Variants in GABBR2 observed in about 807,000 individuals in gnomAD.
GABBR2 encodes the protein G-protein coupled receptor 51.
GABBR2 carries 23 observed loss-of-function variants against 105.6 expected under a neutral mutation model. The observed-to-expected ratio is 0.22, with a 90% CI of 0.16 to 0.31. The LOEUF (loss-of-function observed/expected upper bound fraction) is 0.31, where lower values mean the gene tolerates loss of function less well. GABBR2 is among the 10% of genes least tolerant of loss of function. The probability of loss-of-function intolerance (pLI) is 1.00; values close to 1 mark genes in which losing one functional copy is unlikely to be tolerated. For missense variants in GABBR2, 734 were observed against 1,245.5 expected, an observed-to-expected ratio of 0.59 and a Z score of 6.18; for synonymous variants, 478 against 499.7, an observed-to-expected ratio of 0.96 and a Z score of 0.58.
intron 1 of GABBR2, among the ~76,000 whole-genome samples, chr9:98,587,184 G>A (rs1180840899): frequency 6.6e-6 from 1 of 152,174 alleles, no homozygotes. Context: ...CTTATAGCCT[G>A]TGTTTCCTCT....
chr9:98,510,892 G>A (rs1164766325), intron 3 of GABBR2, among the ~76,000 whole-genome samples: 1 of 152,110 alleles, frequency 6.6e-6, no homozygotes, highest in African/African-American at 2.4e-5. Context: ...ACTCAGCTCT[G>A]CACCAAGCAG....
chr9:98,477,324 C>T (rs1203001953), intron 5 of GABBR2, among the ~76,000 whole-genome samples: 3 of 152,338 alleles, frequency 2.0e-5, no homozygotes, highest in African/African-American at 4.8e-5. Flanking sequence ...ACTGCAGCCT[C>T]GAACTTCTGG....
intron 3 of GABBR2, among the ~76,000 whole-genome samples, chr9:98,527,108 T>A (rs28651575): frequency 0.36 from 50,489 of 140,880 alleles, 8,846 homozygotes; most frequent in Middle Eastern, 0.5. Context: ...ATATATATAT[T>A]ATATATATAT....
In GABBR2 at chr9:98,447,063, C is replaced by T. The variant is rs200843389; in HGVS notation, c.1236+6918G>A. On this transcript the variant is annotated intron_variant, in intron 7 of 18. Transcript: ENST00000259455. ...CCCAGATTCAACCTAAAAAAGACTT[C>T]TTTTTTTTTTTTTTTTGAGACGGAG... 7.5e-4 allele frequency among the ~76,000 whole-genome samples: 87 copies of T among 116,302 alleles called. 1 individual carries two copies. Among genetic ancestry groups the T allele is most frequent in the African/African-American group, 2.3e-3 (66 of 28,608 alleles). The allele number at this position is 116,302 out of a possible 152,430, so 76.3% of individuals were successfully genotyped here. A position where few individuals can be genotyped will look rare whatever the true frequency, so the allele number is the denominator to read the frequency against.
At chr9:98,677,670 C>T (rs1349097622) in intron 1 of GABBR2, among the ~76,000 whole-genome samples, 1 of 152,156 alleles carries the variant, frequency 6.6e-6, no homozygotes, top group Non-Finnish European at 1.5e-5. Flanking sequence ...GGGATCATCC[C>T]TTCTCTGTCT....
intron 1 of GABBR2, among the ~76,000 whole-genome samples, chr9:98,581,780 A>C (rs1169133540): frequency 6.6e-6 from 1 of 152,210 alleles, no homozygotes. Context: ...AATGACAACG[A>C]TACTACAGTA....
At chr9:98,640,121 C>CATATATATATATATATATATATAT (rs6151094) in intron 1 of GABBR2, among the ~76,000 whole-genome samples, 5 of 140,854 alleles carry the variant, frequency 3.5e-5, no homozygotes, top group Admixed American at 7.1e-5. Flanking sequence ...AAAATACAAC[C>CATATATATATATATATATATATAT]ATATATATAT....
At position 98,288,467 on chromosome 9, in the gene GABBR2, C is replaced by T. The variant is rs1457177568; in HGVS notation, c.*2117G>A. On this transcript the variant is annotated 3_prime_UTR_variant, in exon 19 of 19. Transcript: ENST00000259455. ...GGAGTCACAAAGGGTTACAGACGCA[C>T]AGGCTCACCTCCGACAGTCCAATAC... 1 of 152,654 alleles carries T rather than the reference C, an allele frequency of 6.6e-6. No individual in the cohort carries two copies. Among genetic ancestry groups the T allele is most frequent in the East Asian group, 1.9e-4 (1 of 5,200 alleles). The allele number at this position is 152,654 out of a possible 1,614,324, so 9.5% of individuals were successfully genotyped here.
intron 12 of GABBR2, among the ~76,000 whole-genome samples, chr9:98,367,387 A>G (rs1588124832): frequency 6.6e-6 from 1 of 151,842 alleles, no homozygotes; most frequent in Non-Finnish European, 1.5e-5. Flanking sequence ...AAGGACAAAT[A>G]TTGTATGGTT....
chr9:98,438,347 C>G (rs939164852), intron 7 of GABBR2, among the ~76,000 whole-genome samples: 2 of 152,110 alleles, frequency 1.3e-5, no homozygotes, highest in Non-Finnish European at 2.9e-5. Flanking sequence ...CACCACTCTA[C>G]CCATCTGCCC....
At chr9:98,329,869 C>T (rs1588105658) in intron 13 of GABBR2, among the ~76,000 whole-genome samples, 1 of 151,970 alleles carries the variant, frequency 6.6e-6, no homozygotes, top group African/African-American at 2.4e-5. Context: ...CTTCTTCTCT[C>T]TCTCTCTCTC....
At chr9:98,483,023 C>A (rs997660175) in intron 4 of GABBR2, among the ~76,000 whole-genome samples, 6 of 152,142 alleles carry the variant, frequency 3.9e-5, no homozygotes, top group African/African-American at 9.7e-5. Context: ...ATCTCTCCCC[C>A]CAGCCTCAGA....
intron 13 of GABBR2, among the ~76,000 whole-genome samples, chr9:98,336,521 T>G (rs1350293607): frequency 6.6e-6 from 1 of 152,096 alleles, no homozygotes; most frequent in Non-Finnish European, 1.5e-5. Context: ...CTGGCCAATA[T>G]GGTGAAACCC....
chr9:98,386,364 A>G (rs1194076583), intron 10 of GABBR2, among the ~76,000 whole-genome samples: 1 of 152,116 alleles, frequency 6.6e-6, no homozygotes, highest in Non-Finnish European at 1.5e-5. Context: ...CCTAACTGTG[A>G]GTCTCAGGGT....
chr9:98,653,298 C>A lies in GABBR2; in HGVS notation c.321+55119G>T, dbSNP rs920805857. 1.3e-5 allele frequency among the ~76,000 whole-genome samples: 2 copies of A among 152,210 alleles called. 1 individual carries two copies. Among genetic ancestry groups the A allele is most frequent in the African/African-American group, 4.8e-5 (2 of 41,452 alleles). On this transcript the variant is annotated intron_variant, in intron 1 of 18. Transcript: ENST00000259455. Reference sequence around the variant, plus strand: ...ACAGGCATGAGCCATCGCACCTAGCCCTTAGCTATTTCTAAAGCACAGCCA... The same window carrying A: ...ACAGGCATGAGCCATCGCACCTAGCACTTAGCTATTTCTAAAGCACAGCCA...
intron 7 of GABBR2, among the ~76,000 whole-genome samples, chr9:98,427,376 A>G (rs1040950183): frequency 5.3e-5 from 8 of 152,328 alleles, no homozygotes; most frequent in Non-Finnish European, 1.0e-4. Context: ...CAAGAGTCAC[A>G]GTTTCTTATA....
chr9:98,377,676 A>C (rs192312624), intron 11 of GABBR2, among the ~76,000 whole-genome samples: 1 of 152,282 alleles, frequency 6.6e-6, no homozygotes, highest in African/African-American at 2.4e-5. Context: ...GGAGTGGCCC[A>C]CATGTGGGGT....
At chr9:98,547,367 A>G (rs1420385592) in intron 2 of GABBR2, among the ~76,000 whole-genome samples, 1 of 116,592 alleles carries the variant, frequency 8.6e-6, no homozygotes, top group South Asian at 2.8e-4. Context: ...TACATTTATA[A>G]TATTGTATAT....
At chr9:98,385,141 C>T (rs1832048550) in intron 11 of GABBR2, among the ~76,000 whole-genome samples, 1 of 152,084 alleles carries the variant, frequency 6.6e-6, no homozygotes, top group Non-Finnish European at 1.5e-5. Flanking sequence ...ATATTTTTCC[C>T]CTCCTTTTCT....
Sources: allele counts gnomAD v4.1 joint callset (sites outside exome capture counted in the v4.1 genomes callset), GRCh38; gene constraint gnomAD v4.1.1; transcripts MANE v1.5; gene names NCBI Gene and HGNC (gene_info 2026-07-23, HGNC 2026-07-21).